CBLC: variants seen among roughly 807,000 people sequenced by gnomAD.
CBLC encodes the protein Cbl proto-oncogene C.
A neutral mutation model predicts 58.6 loss-of-function variants in CBLC; 46 were observed. The ratio of observed to expected loss-of-function variants is 0.79; its 90% CI spans 0.62 to 1.00. The LOEUF (loss-of-function observed/expected upper bound fraction) is 1.00, where lower values mean the gene tolerates loss of function less well. CBLC is among the 50% of genes least tolerant of loss of function. The pLI is 0.00. For synonymous variants in CBLC, 271 were observed against 264.2 expected, an observed-to-expected ratio of 1.03 and a Z score of -0.25; for missense variants, 655 against 625.8, an observed-to-expected ratio of 1.05 and a Z score of -0.50.
intron 7 of CBLC, 149 bp downstream of exon 7, chr19:44,792,663 CTG>C (rs1210770647): frequency 1.4e-6 from 1 of 724,452 alleles, no homozygotes; most frequent in Non-Finnish European, 2.1e-6. Context: ...AGGAGCCCGG[CTG>C]TCTTTCCCAG....
chr19:44,798,750 G>A (rs1002317192), intron 9 of CBLC, among the ~76,000 whole-genome samples: 1 of 152,038 alleles, frequency 6.6e-6, no homozygotes, highest in African/African-American at 2.4e-5. Context: ...AAGAAAGAAA[G>A]AAAGAAAGAA....
intron 9 of CBLC, among the ~76,000 whole-genome samples, chr19:44,799,538 G>A (rs1968243665): frequency 1.3e-5 from 2 of 152,056 alleles, no homozygotes; most frequent in African/African-American, 4.8e-5. Flanking sequence ...CACCATATTG[G>A]CCAGGCTGGT....
At chr19:44,799,572 T>A (rs1310746407) in intron 9 of CBLC, among the ~76,000 whole-genome samples, 1 of 152,086 alleles carries the variant, frequency 6.6e-6, no homozygotes, top group Non-Finnish European at 1.5e-5. Flanking sequence ...CCTCAGGTGA[T>A]CCACCCACCT....
At chr19:44,800,297 A>T in intron 9 of CBLC, 84 bp from the exon 10 acceptor site, 1 of 993,486 alleles carries the variant, frequency 1.0e-6, no homozygotes, top group Non-Finnish European at 1.6e-6. Flanking sequence ...TCCCAGGTCT[A>T]AGACAAAGGG....
At chr19:44,795,850 A>C (rs1968168308) in intron 9 of CBLC, among the ~76,000 whole-genome samples, 1 of 152,132 alleles carries the variant, frequency 6.6e-6, no homozygotes, top group South Asian at 2.1e-4. Context: ...TACACGTCAT[A>C]GGTGCTCAAT....
At position 44,796,872 on chromosome 19, in the gene CBLC, G is replaced by C. The variant is rs574578352; in HGVS notation, c.1362+2591G>C. Among the ~76,000 whole-genome samples, 218 of 149,672 alleles carry C rather than the reference G, an allele frequency of 1.5e-3. 1 individual carries two copies. Among genetic ancestry groups the C allele is most frequent in the Non-Finnish European group, 2.3e-3 (156 of 67,328 alleles). Reference sequence around the variant, plus strand: ...CTCAGGAAGTCCGGGAACATTATTCGACCACAGCAAACAAGAGAGCCAGCA... The same window carrying C: ...CTCAGGAAGTCCGGGAACATTATTCCACCACAGCAAACAAGAGAGCCAGCA... On this transcript the variant is annotated intron_variant, in intron 9 of 10. Transcript: ENST00000647358.
At chr19:44,793,325 C>A in intron 7 of CBLC, 149 bp from the exon 8 acceptor site, 3 of 851,406 alleles carry the variant, frequency 3.5e-6, no homozygotes, top group Non-Finnish European at 5.1e-6. Context: ...CCACATTCCT[C>A]TGCTCTCCAC....
At position 44,780,920 on chromosome 19, in the gene CBLC, G is replaced by C; in HGVS notation, c.369G>C (p.Lys123Asn). 6.2e-7 allele frequency: 1 copy of C among 1,612,682 alleles called. No homozygotes were observed. Among genetic ancestry groups the C allele is most frequent in the Non-Finnish European group, 8.5e-7 (1 of 1,179,992 alleles). The change falls in exon 2 of 11, where the codon AAG becomes AAC. Residue 123 changes from lysine (K) to asparagine (N), a missense_variant. Lys to Asn is a moderately conservative substitution (Grantham distance 94). This residue lies in a region of CBLC where 280 missense variants were observed against 237.2 expected (regional missense o/e 1.18). Coordinates refer to ENST00000647358, the MANE Select transcript of CBLC (RefSeq NM_012116.4). ...ATCCCCACAGGCGACAGCTGGCCAA[G>C]CTGGCCATCATCTTCAGCCACATGC... ...AGSRLRRQLAKLAIIFSHMHA... is the reference protein window; with the variant it reads ...AGSRLRRQLANLAIIFSHMHA...
At chr19:44,794,326 A>G (rs1458535909) in intron 9 of CBLC, 45 bp downstream of exon 9, 2 of 1,580,912 alleles carry the variant, frequency 1.3e-6, no homozygotes, top group Admixed American at 3.4e-5. Flanking sequence ...GGTCTCACTC[A>G]CCTCCAGGGT....
intron 9 of CBLC, among the ~76,000 whole-genome samples, 175 bp downstream of exon 9, chr19:44,794,456 T>C (rs1347461184): frequency 6.8e-6 from 1 of 147,312 alleles, no homozygotes; most frequent in African/African-American, 2.5e-5. Flanking sequence ...TCTGGGACTT[T>C]CTTTTTTTTT....
intron 9 of CBLC, among the ~76,000 whole-genome samples, chr19:44,798,749 A>G (rs1964531182): frequency 6.6e-6 from 1 of 152,096 alleles, no homozygotes; most frequent in Non-Finnish European, 1.5e-5. Flanking sequence ...AAAGAAAGAA[A>G]GAAAGAAAGA....
chr19:44,794,604 A>G (rs1439023921), intron 9 of CBLC, among the ~76,000 whole-genome samples: 5 of 151,092 alleles, frequency 3.3e-5, no homozygotes, highest in Non-Finnish European at 7.4e-5. Flanking sequence ...AGCTGGGATT[A>G]CAGGCACCCA....
Position 44,782,010 on chromosome 19 carries a change from A to G in CBLC, c.658-360A>G, listed in dbSNP as rs1413095925. Reference sequence around the variant, plus strand: ...GGGTCTGAGGGAGGAGGGGCTGGAGACCTGGACTCCAGGGTCTGAGGGAGG... The same window carrying G: ...GGGTCTGAGGGAGGAGGGGCTGGAGGCCTGGACTCCAGGGTCTGAGGGAGG... On this transcript the variant is annotated intron_variant, in intron 3 of 10. Transcript: ENST00000647358. 1.6e-3 allele frequency among the ~76,000 whole-genome samples: 77 copies of G among 47,684 alleles called. 5 individuals carry two copies. Among genetic ancestry groups the G allele is most frequent in the African/African-American group, 6.5e-3 (67 of 10,234 alleles). 31.3% of individuals were successfully genotyped at this position (47,684 alleles called of 152,430 possible).
Position 44,784,594 on chromosome 19 carries a change from C to G in CBLC, c.917+193C>G, listed in dbSNP as rs200665416. 1.9e-4 allele frequency among the ~76,000 whole-genome samples: 29 copies of G among 152,264 alleles called. No individual in the cohort carries two copies. In the East Asian group the frequency reaches 5.4e-3, roughly 28 times the overall value. On this transcript the variant is annotated intron_variant, in intron 5 of 10. Transcript: ENST00000647358. ...TTGAGGAAGGGGCGCCTCTGAGGGT[C>G]GCACAAAGTGGCCATAGATCGGGCC...
chr19:44,784,428 G>T, intron 5 of CBLC, 27 bp downstream of exon 5: 5 of 1,547,962 alleles, frequency 3.2e-6, no homozygotes, highest in Non-Finnish European at 4.4e-6. Context: ...GTAGGAGGAG[G>T]GTGTCAGCAA....
rs983475836 is a variant in CBLC at position 44,782,301 on chromosome 19, CTAGGGACTACT to C, written c.658-62_658-52del. Reference sequence around the variant, plus strand: ...AAGGAGGTGGTTGGATCCTCGAGCCCTAGGGACTACTTAGGGATGTGAGCTGCTTCCCTGGT... The same window carrying C: ...AAGGAGGTGGTTGGATCCTCGAGCCCTAGGGATGTGAGCTGCTTCCCTGGT... On this transcript the variant is annotated intron_variant, in intron 3 of 10. Coordinates refer to ENST00000647358, the MANE Select transcript of CBLC (RefSeq NM_012116.4). 6 of 1,598,658 alleles carry C rather than the reference CTAGGGACTACT, an allele frequency of 3.8e-6. No individual in the cohort carries two copies. The African/African-American group carries it at 5.4e-5, about 14-fold the overall frequency.
At chr19:44,795,942 G>T (rs76560105) in intron 9 of CBLC, among the ~76,000 whole-genome samples, 4,854 of 152,226 alleles carry the variant, frequency 0.032, 84 homozygotes, top group African/African-American at 0.044. Context: ...CCGGCTGGGC[G>T]CGGTGGCTTA....
At chr19:44,778,439 C>G (rs1221757254) in intron 1 of CBLC, among the ~76,000 whole-genome samples, 155 bp downstream of exon 1, 1 of 42,786 alleles carries the variant, frequency 2.3e-5, no homozygotes, top group African/African-American at 2.4e-4. Context: ...AGACTCAGGG[C>G]TCCAGCCCCC....
intron 1 of CBLC, 149 bp downstream of exon 1, chr19:44,778,433 T>TCAGGCCCCCATCCCCTCCTCCCTCAGACG (rs1967634365): frequency 5.4e-6 from 2 of 373,146 alleles, no homozygotes; most frequent in Non-Finnish European, 6.8e-6. Context: ...TCCCTCAGAC[T>TCAGGCCCCCATCCCCTCCTCCCTCAGACG]CAGGGCTCCA....
Sources: gnomAD v4.1 joint callset for allele counts (sites outside exome capture counted in the v4.1 genomes callset) on GRCh38, gnomAD v4.1.1 for gene constraint, gnomAD v4.1.1 regional missense constraint, MANE v1.5 for transcripts, NCBI Gene and HGNC (gene_info 2026-07-23, HGNC 2026-07-21) for gene names.